Variants in DNAH9 observed in about 807,000 individuals in gnomAD.
DNAH9 encodes DNAH9 variant protein.
In DNAH9, 345 loss-of-function variants were observed where a neutral mutation model predicts 471.6. The observed-to-expected ratio is 0.73, with a 90% CI of 0.67 to 0.80. The LOEUF (loss-of-function observed/expected upper bound fraction) is 0.80. Among genes scored for constraint, DNAH9 ranks in the 30% least tolerant of loss-of-function variants. The probability of loss-of-function intolerance (pLI) is 0.00; values close to 1 mark genes in which losing one functional copy is unlikely to be tolerated. For missense variants in DNAH9, 5,407 were observed against 5,609.2 expected, an observed-to-expected ratio of 0.96 and a Z score of 1.15; for synonymous variants, 2,093 against 2,123.6, an observed-to-expected ratio of 0.99 and a Z score of 0.40.
chr17:11,637,700 G>A (rs2073189926), intron 9 of DNAH9, among the ~76,000 whole-genome samples: 1 of 152,180 alleles, frequency 6.6e-6, no homozygotes, highest in Non-Finnish European at 1.5e-5. Flanking sequence ...GGACTGAATG[G>A]CCTCTGACAT....
chr17:11,742,227 G>A lies in DNAH9; in HGVS notation c.6025G>A (p.Val2009Met), dbSNP rs2075443211. 1.9e-6 allele frequency: 3 copies of A among 1,613,818 alleles called. No homozygotes were observed. The highest frequency in any genetic ancestry group is 1.7e-6 in the Non-Finnish European group (2 of 1,179,870). The change falls in exon 30 of 69, where the codon GTG becomes ATG. Residue 2009 changes from valine (V) to methionine (M), a missense_variant. Transcript: ENST00000262442. The stretch of plus-strand genomic sequence containing the variant: ...TGAATTGATCTGTGAAATCATGCTG[G>A]TGGCAGAAGGATTCATTGAAGCCCA... ...DFELICEIML[V>M]AEGFIEAQSL...
chr17:11,691,419 A>G (rs1195907937), intron 20 of DNAH9, among the ~76,000 whole-genome samples: 1 of 152,240 alleles, frequency 6.6e-6, no homozygotes, highest in Non-Finnish European at 1.5e-5. Context: ...ACTTTTAATT[A>G]AAAATATTGA....
chr17:11,655,019 A>G (rs2073609012), intron 14 of DNAH9, among the ~76,000 whole-genome samples: 1 of 152,094 alleles, frequency 6.6e-6, no homozygotes, highest in Non-Finnish European at 1.5e-5. Context: ...GACAAAAACC[A>G]CTGAACAGAA....
chr17:11,651,187 T>C lies in DNAH9; in HGVS notation c.2216T>C (p.Leu739Ser). ...RDFYRQLVAN[L>S]ELMANWYNKV... is the part of the protein sequence containing the mutation. The stretch of plus-strand genomic sequence containing the variant: ...TTCTATCGGCAGCTTGTGGCTAATT[T>C]AGAGTTGATGGCAAATTGGTACAAC... The change falls in exon 13 of 69, where the codon TTA becomes TCA. Residue 739 changes from leucine to serine, a missense_variant. Physicochemically the swap from Leu to Ser is moderately radical, Grantham distance 145. Transcript: ENST00000262442. 1 of 1,614,106 alleles carries C rather than the reference T, an allele frequency of 6.2e-7. No homozygotes were observed. The highest frequency in any genetic ancestry group is 8.5e-7 in the Non-Finnish European group (1 of 1,180,020).
intron 31 of DNAH9, among the ~76,000 whole-genome samples, chr17:11,747,324 C>T (rs1966920569): frequency 6.6e-6 from 1 of 152,226 alleles, no homozygotes; most frequent in South Asian, 2.1e-4. Flanking sequence ...TCGCCTGGCA[C>T]ACTCTGTAGC....
Position 11,891,803 on chromosome 17 carries a change from T to A in DNAH9, c.11139T>A (p.Ala3713=), listed in dbSNP as rs764853336. 7 of 1,614,098 alleles carry A rather than the reference T, an allele frequency of 4.3e-6. No homozygotes were observed. The highest frequency in any genetic ancestry group is 5.9e-6 in the Non-Finnish European group (7 of 1,180,004). ...LKAFSIVFQK[A]VERAAPDESL... is the part of the protein sequence containing the mutation. ...CCTTCAGTATCGTCTTCCAGAAGGC[T>A]GTGGAGAGGGCTGCTCCTGACGAAA... Residue 3713 remains alanine (A), a synonymous_variant, in exon 58 of 69, where the codon GCT becomes GCA. Transcript: ENST00000262442.
At chr17:11,930,147 G>A (rs1414240460) in intron 63 of DNAH9, 54 bp downstream of exon 63, 4 of 1,467,278 alleles carry the variant, frequency 2.7e-6, no homozygotes, top group Non-Finnish European at 3.8e-6. Flanking sequence ...GTCAGCTGAT[G>A]CAAACTGGTG....
intron 67 of DNAH9, among the ~76,000 whole-genome samples, chr17:11,953,239 GT>G (rs1343868589): frequency 6.6e-6 from 1 of 152,142 alleles, no homozygotes; most frequent in Non-Finnish European, 1.5e-5. Context: ...CCACAGAGAA[GT>G]TGCTGCATTA....
chr17:11,787,108 C>T (rs557550582), intron 41 of DNAH9, among the ~76,000 whole-genome samples: 9 of 152,276 alleles, frequency 5.9e-5, no homozygotes, highest in African/African-American at 1.2e-4. Context: ...GAACAATTCA[C>T]GAATCCGAAT....
Position 11,704,585 on chromosome 17 carries a change from T to TC in DNAH9, c.5391+143_5391+144insC, listed in dbSNP as rs1205640953. On this transcript the variant is annotated intron_variant, in intron 25 of 68. Coordinates refer to ENST00000262442, the MANE Select transcript of DNAH9 (RefSeq NM_001372.4). ...AGGATCACAGTGGCTGCTCCTACTT[T>TC]TTTTTTTTTTTTTTTGAGATTGAGT... 8 of 586,692 alleles carry TC rather than the reference T, an allele frequency of 1.4e-5. No individual in the cohort carries two copies. In the South Asian group the frequency reaches 2.1e-4, roughly 15 times the overall value. 36.3% of individuals were successfully genotyped at this position (586,692 alleles called of 1,614,324 possible). A position where few individuals can be genotyped will look rare whatever the true frequency, so the allele number is the denominator to read the frequency against.
At chr17:11,933,832 G>A (rs781173232) in intron 64 of DNAH9, 48 bp from the exon 65 acceptor site, 36 of 1,566,494 alleles carry the variant, frequency 2.3e-5, no homozygotes, top group Non-Finnish European at 2.9e-5. Context: ...CCCGACGCCT[G>A]TGTGGAGGTC....
intron 61 of DNAH9, among the ~76,000 whole-genome samples, chr17:11,915,002 T>A (rs572206196): frequency 1.3e-5 from 2 of 152,290 alleles, no homozygotes; most frequent in South Asian, 4.1e-4. Context: ...CCACACCACA[T>A]TTAGTTCTAT....
At chr17:11,789,227 A>T (rs974094876) in intron 41 of DNAH9, among the ~76,000 whole-genome samples, 1 of 152,022 alleles carries the variant, frequency 6.6e-6, no homozygotes. Flanking sequence ...AAATACTTTG[A>T]GAAGTGTTTC....
chr17:11,958,234 A>G (rs1975768914), intron 67 of DNAH9, among the ~76,000 whole-genome samples: 1 of 152,208 alleles, frequency 6.6e-6, no homozygotes, highest in South Asian at 2.1e-4. Context: ...GGCAGTAAAA[A>G]CACTGGTTGC....
Position 11,690,548 on chromosome 17 carries a change from C to T in DNAH9, c.4614+112C>T, listed in dbSNP as rs1168296061. On this transcript the variant is annotated intron_variant, in intron 20 of 68. Transcript: ENST00000262442. The stretch of plus-strand genomic sequence containing the variant: ...TTCCTTTTCTGCCTCCTTGCTTTGA[C>T]TTTACTTAAAGGCACTTCCCACAGA... 11 of 1,068,640 alleles carry T rather than the reference C, an allele frequency of 1.0e-5. No individual in the cohort carries two copies. The African/African-American group carries it at 1.4e-4, about 14-fold the overall frequency. 66.2% of individuals were successfully genotyped at this position (1,068,640 alleles called of 1,614,324 possible). A position where few individuals can be genotyped will look rare whatever the true frequency, so the allele number is the denominator to read the frequency against.
intron 6 of DNAH9, among the ~76,000 whole-genome samples, chr17:11,628,907 T>C (rs753823989): frequency 8.5e-5 from 13 of 152,324 alleles, no homozygotes; most frequent in South Asian, 6.2e-4. Context: ...GAATTTTATT[T>C]GACCATACTT....
At chr17:11,906,386 G>A (rs1973598258) in intron 61 of DNAH9, among the ~76,000 whole-genome samples, 1 of 152,086 alleles carries the variant, frequency 6.6e-6, no homozygotes, top group Non-Finnish European at 1.5e-5. Flanking sequence ...CAGCACTTTG[G>A]GAGGCCAAGG....
rs147159007 is a variant in DNAH9 at position 11,958,494 on chromosome 17, T to C, written c.12844-3373T>C. ...TACAATATGATACTGTAATGGTAGA[T>C]ACATGTCATTATAAATTTGTCCAAA... On this transcript the variant is annotated intron_variant, in intron 67 of 68. Transcript: ENST00000262442. 9.2e-5 allele frequency among the ~76,000 whole-genome samples: 14 copies of C among 152,314 alleles called. No homozygotes were observed. The East Asian group carries it at 2.5e-3, about 27-fold the overall frequency.
At position 11,912,081 on chromosome 17, in the gene DNAH9, G is replaced by A. The variant is rs140983567; in HGVS notation, c.11749+6272G>A. On this transcript the variant is annotated intron_variant, in intron 61 of 68. Transcript: ENST00000262442. ...TCACCAGGCTGGAGTGCAGTGGCAC[G>A]ATCTCAGCTCACTGCAACCTCTGCC... is the stretch of plus-strand genomic sequence containing the variant. Among the ~76,000 whole-genome samples the A allele has an allele frequency of 1.0e-3, 158 of 152,142 alleles. 1 individual carries two copies. The highest frequency in any genetic ancestry group is 1.8e-3 in the Admixed American group (28 of 15,260).
Sources: gnomAD v4.1 joint callset for allele counts (sites outside exome capture counted in the v4.1 genomes callset) on GRCh38, gnomAD v4.1.1 for gene constraint, MANE v1.5 for transcripts, NCBI Gene and HGNC (gene_info 2026-07-23, HGNC 2026-07-21) for gene names.